The following FAM131A variants were observed in gnomAD, a reference collection of about 807,000 sequenced individuals.
The protein encoded by FAM131A is family with sequence similarity 131 member A.
FAM131A carries 24 observed loss-of-function variants against 39.2 expected under a neutral mutation model. That is an observed-to-expected ratio of 0.61 (90% CI 0.44 to 0.86). The LOEUF (loss-of-function observed/expected upper bound fraction) is 0.86, where lower values mean the gene tolerates loss of function less well. FAM131A is among the 40% of genes least tolerant of loss of function. The pLI is 0.00. For missense variants in FAM131A, 373 were observed against 481.2 expected, an observed-to-expected ratio of 0.78 and a Z score of 2.10; for synonymous variants, 202 against 206.8, an observed-to-expected ratio of 0.98 and a Z score of 0.20.
chr3:184,344,576 G>A lies in FAM131A; in HGVS notation c.707G>A (p.Gly236Asp), dbSNP rs1727538205. ...GHRFSRPVRQ[G>D]SVEPESDCSQ... The stretch of plus-strand genomic sequence containing the variant: ...CGGTTCTCCCGGCCTGTGCGCCAGG[G>A]CTCCGTGGAGCCTGAGAGCGACTGC... The change falls in exon 6 of 6, where the codon GGC becomes GAC. Residue 236 changes from glycine (G) to aspartate (D), a missense_variant. By Grantham distance (94) the Gly-to-Asp change is moderately conservative. Around this residue, in one of 2 missense-constraint regions of FAM131A, gnomAD observed 221 missense variants for 347.7 expected, o/e 0.64. Transcript: ENST00000383847. 1.2e-6 allele frequency: 2 copies of A among 1,609,688 alleles called. No homozygotes were observed. The highest frequency in any genetic ancestry group is 1.7e-6 in the Non-Finnish European group (2 of 1,177,646).
chr3:184,338,601 G>T lies in FAM131A; in HGVS notation c.231+72G>T, dbSNP rs147963580. On this transcript the variant is annotated intron_variant, in intron 2 of 5. Transcript: ENST00000383847. ...AAGGGGATCTGCAGCCCCCACCCAC[G>T]CCTGGCCAGCCAGCTTCTGGCTCCC... 10,856 of 1,496,204 alleles carry T rather than the reference G, an allele frequency of 7.3e-3. 58 individuals are homozygous for T. Among genetic ancestry groups the T allele is most frequent in the Non-Finnish European group, 7.8e-3 (8,782 of 1,126,094 alleles). The allele number at this position is 1,496,204 out of a possible 1,614,324, so 92.7% of individuals were successfully genotyped here.
chr3:184,342,794 T>G lies in FAM131A; in HGVS notation c.559T>G (p.Ser187Ala). The change falls in exon 5 of 6, where the codon TCG (serine) becomes GCG (alanine). Residue 187 changes from serine (S) to alanine (A), a missense_variant. Ser to Ala is a moderately conservative substitution (Grantham distance 99). Around this residue, in one of 2 missense-constraint regions of FAM131A, gnomAD observed 221 missense variants for 347.7 expected, o/e 0.64. Coordinates refer to ENST00000383847, the MANE Select transcript of FAM131A (RefSeq NM_144635.5). The surrounding 1 kb of genome is among the most constrained non-coding windows in gnomAD (Gnocchi z 4.6). ...GGAAGCCAAGCTCCGAGCATGGTCT[T>G]CGGTGGATGGCGAGGACTCCACTGA... Reference protein sequence around the residue: ...IAEAKLRAWSSVDGEDSTDDS... With the variant: ...IAEAKLRAWSAVDGEDSTDDS... The G allele has an allele frequency of 6.2e-7, 1 of 1,613,988 alleles. No homozygotes were observed. The highest frequency in any genetic ancestry group is 8.5e-7 in the Non-Finnish European group (1 of 1,179,926).
At chr3:184,344,450 G>T (rs1041526322) in intron 5 of FAM131A, 45 bp from the exon 6 acceptor site, 2 of 1,500,582 alleles carry the variant, frequency 1.3e-6, no homozygotes, top group South Asian at 1.3e-5. Context: ...TTGTCCAGTT[G>T]AAATGGAGCC....
intron 5 of FAM131A, among the ~76,000 whole-genome samples, chr3:184,344,110 C>T (rs1197533391): frequency 6.6e-6 from 1 of 152,162 alleles, no homozygotes; most frequent in Non-Finnish European, 1.5e-5. Context: ...CTCAGCCTCC[C>T]GAGTAGCTGG....
chr3:184,338,632 CGGCGGGCGGA>C, intron 2 of FAM131A, 103 bp downstream of exon 2: 1 of 1,457,086 alleles, frequency 6.9e-7, no homozygotes, highest in Non-Finnish European at 9.1e-7. Flanking sequence ...CTCCCTTTTC[CGGCGGGCGGA>C]GGCGCTATCC....
At chr3:184,344,204 C>T (rs938905005) in intron 5 of FAM131A, among the ~76,000 whole-genome samples, 11 of 152,272 alleles carry the variant, frequency 7.2e-5, no homozygotes, top group Admixed American at 2.0e-4. Flanking sequence ...AGGCTGGTCT[C>T]GAACTCCTGA....
upstream of FAM131A, chr3:184,336,262 CAGG>C (rs1727082517): frequency 6.6e-6 from 1 of 152,476 alleles, no homozygotes; most frequent in African/African-American, 2.4e-5. This position sits in a 1 kb window ranked among gnomAD's most constrained non-coding sequence, Gnocchi z 5.5. Flanking sequence ...GGCCAGGCAA[CAGG>C]AGGGAGCGGG....
chr3:184,345,769 G>C lies in FAM131A; in HGVS notation c.*799G>C, dbSNP rs929975595. The C allele has an allele frequency of 2.0e-4, 118 of 583,678 alleles. No homozygotes were observed. The highest frequency in any genetic ancestry group is 3.3e-4 in the Non-Finnish European group (111 of 331,598). 36.2% of individuals were successfully genotyped at this position (583,678 alleles called of 1,614,324 possible). ...TGCCCATTCACGCAGAGCTCTCTGA[G>C]CGGGAGGTGGAAGAAAGGATGGCTC... is the stretch of plus-strand genomic sequence containing the variant. On this transcript the variant is annotated 3_prime_UTR_variant, in exon 6 of 6. Transcript: ENST00000383847.
chr3:184,341,582 C>T, intron 2 of FAM131A, 142 bp from the exon 3 acceptor site: 2 of 663,212 alleles, frequency 3.0e-6, no homozygotes, highest in Admixed American at 4.7e-5. Context: ...TATCATCTTA[C>T]ATTTCCCTGT....
intron 2 of FAM131A, 118 bp downstream of exon 2, chr3:184,338,647 C>G (rs938957742): frequency 7.2e-7 from 1 of 1,395,358 alleles, no homozygotes; most frequent in African/African-American, 1.5e-5. Context: ...GGCGGAGGCG[C>G]TATCCGGCGG....
At chr3:184,341,461 A>G (rs1448943920) in intron 2 of FAM131A, 3 of 540,006 alleles carry the variant, frequency 5.6e-6, no homozygotes, top group Non-Finnish European at 1.0e-5. Flanking sequence ...CCCTGCCTCC[A>G]TCTCCTCTGG....
intron 2 of FAM131A, chr3:184,338,958 A>G (rs1016969409): frequency 1.2e-5 from 2 of 169,696 alleles, no homozygotes; most frequent in Non-Finnish European, 2.5e-5. Context: ...TACTGGCGCC[A>G]CCCTGGGGGC....
Position 184,344,592 on chromosome 3 carries a change from G to T in FAM131A, c.723G>T (p.Glu241Asp). ...RPVRQGSVEP[E>D]SDCSQTVSPD... ...TGCGCCAGGGCTCCGTGGAGCCTGA[G>T]AGCGACTGCTCACAGACCGTGTCCC... The change falls in exon 6 of 6, where the codon GAG becomes GAT. Residue 241 changes from glutamate (E) to aspartate (D), a missense_variant. Coordinates refer to ENST00000383847, the MANE Select transcript of FAM131A (RefSeq NM_144635.5). The T allele has an allele frequency of 6.2e-7, 1 of 1,612,342 alleles. No individual in the cohort carries two copies.
At chr3:184,341,982 A>T in intron 3 of FAM131A, 84 bp from the exon 4 acceptor site, 1 of 1,564,944 alleles carries the variant, frequency 6.4e-7, no homozygotes, top group Non-Finnish European at 8.8e-7. Flanking sequence ...ATGGATCCTA[A>T]CTACTGCCAC....
intron 2 of FAM131A, chr3:184,340,552 C>T (rs1235956312): frequency 6.7e-6 from 1 of 149,968 alleles, no homozygotes; most frequent in Non-Finnish European, 1.5e-5. Flanking sequence ...GTCTTGAACT[C>T]GTGACCTCAT....
At chr3:184,337,796 A>C (rs1256308210) in intron 1 of FAM131A, 78 bp downstream of exon 1, 2 of 1,372,722 alleles carry the variant, frequency 1.5e-6, no homozygotes, top group Non-Finnish European at 2.0e-6. Flanking sequence ...GAAAAGGAAA[A>C]TTACTCTGGC....
At chr3:184,341,702 C>T (rs995240932) in intron 2 of FAM131A, 22 bp from the exon 3 acceptor site, 28 of 1,599,590 alleles carry the variant, frequency 1.8e-5, no homozygotes, top group Non-Finnish European at 2.4e-5. Flanking sequence ...GGGGCACTGA[C>T]TTTCTAATGG....
chr3:184,345,030 G>C lies in FAM131A; in HGVS notation c.*60G>C, dbSNP rs537757987. ...GGCTGCTGCCAGGGGCAGAGCCTCT[G>C]TGCCCAAGTGTGGGCTCAAGGCTCC... On this transcript the variant is annotated 3_prime_UTR_variant, in exon 6 of 6. Transcript: ENST00000383847. The C allele has an allele frequency of 5.7e-6, 8 of 1,412,284 alleles. No homozygotes were observed. In the African/African-American group the frequency reaches 1.1e-4, roughly 20 times the overall value. 87.5% of individuals were successfully genotyped at this position (1,412,284 alleles called of 1,614,324 possible). A position where few individuals can be genotyped will look rare whatever the true frequency, so the allele number is the denominator to read the frequency against.
rs962077748 is a variant in FAM131A at position 184,342,826 on chromosome 3, C to T, written c.591C>T (p.Ser197=). The T allele has an allele frequency of 6.2e-7, 1 of 1,613,766 alleles. No individual in the cohort carries two copies. The highest frequency in any genetic ancestry group is 1.7e-4 in the Middle Eastern group (1 of 6,060). The change falls in exon 5 of 6, where the codon TCC becomes TCT. Residue 197 remains serine, a synonymous_variant. Transcript: ENST00000383847. The surrounding 1 kb of genome is among the most constrained non-coding windows in gnomAD (Gnocchi z 4.6). ...SVDGEDSTDD[S]YDEDFAGGMD... ...ATGGCGAGGACTCCACTGATGACTCCTATGATGAGGACTTTGCTGGGGGAA... is the reference window on the plus strand; with the variant it reads ...ATGGCGAGGACTCCACTGATGACTCTTATGATGAGGACTTTGCTGGGGGAA...
Sources: allele counts gnomAD v4.1 joint callset (sites outside exome capture counted in the v4.1 genomes callset), GRCh38; gene constraint gnomAD v4.1.1; regional missense constraint gnomAD v4.1.1; non-coding constraint Gnocchi (gnomAD v3.1); transcripts MANE v1.5; gene names NCBI Gene and HGNC (gene_info 2026-07-23, HGNC 2026-07-21).